The following SHISA6 variants were observed in gnomAD, a reference collection of about 807,000 sequenced individuals.
The protein encoded by SHISA6 is protein shisa-6.
In SHISA6, 22 loss-of-function variants were observed where a neutral mutation model predicts 47.9. The observed-to-expected ratio is 0.46, with a 90% CI of 0.33 to 0.66. SHISA6 has a LOEUF of 0.66. Ranked by LOEUF, SHISA6 falls within the 30% of genes least tolerant of loss-of-function variation. The pLI is 0.02. For missense variants in SHISA6, 680 were observed against 764.6 expected (o/e 0.89, Z 1.30); for synonymous variants, 388 against 337.8 (o/e 1.15, Z -1.63).
chr17:11,308,016 T>C (rs1425814483), intron 2 of SHISA6, among the ~76,000 whole-genome samples: 1 of 152,112 alleles, frequency 6.6e-6, no homozygotes, highest in Non-Finnish European at 1.5e-5. Flanking sequence ...GAGTTTGGTG[T>C]CTGAGCTGTT....
chr17:11,428,079 G>A (rs754550909), intron 3 of SHISA6, among the ~76,000 whole-genome samples: 3 of 152,018 alleles, frequency 2.0e-5, no homozygotes, highest in Non-Finnish European at 2.9e-5. Flanking sequence ...CCAGCCACTG[G>A]GCTACACTCT....
intron 2 of SHISA6, chr17:11,289,641 T>C (rs1043365303): frequency 2.0e-5 from 3 of 151,194 alleles, no homozygotes; most frequent in Non-Finnish European, 4.4e-5. Flanking sequence ...CTATAATTAG[T>C]ACAACTTTTA....
chr17:11,359,780 G>A (rs962414864), intron 2 of SHISA6, among the ~76,000 whole-genome samples: 17 of 152,206 alleles, frequency 1.1e-4, no homozygotes, highest in Admixed American at 1.0e-3. Flanking sequence ...GGAAGTGGGA[G>A]AGGGTCATGT....
intron 3 of SHISA6, among the ~76,000 whole-genome samples, chr17:11,390,409 T>A (rs1338107436): frequency 6.6e-6 from 1 of 152,142 alleles, no homozygotes; most frequent in Non-Finnish European, 1.5e-5. Context: ...TGTTGGAGTT[T>A]AAGAGCGCTG....
intron 2 of SHISA6, among the ~76,000 whole-genome samples, chr17:11,342,907 A>T (rs866006569): frequency 3.0e-4 from 46 of 152,322 alleles, no homozygotes; most frequent in African/African-American, 1.1e-3. Context: ...ATACAGAATC[A>T]GGGACAGTTT....
At chr17:11,256,648 G>A (rs1013739824) in intron 1 of SHISA6, among the ~76,000 whole-genome samples, 1 of 152,042 alleles carries the variant, frequency 6.6e-6, no homozygotes, top group African/African-American at 2.4e-5. Flanking sequence ...GCATTTTTTG[G>A]TTTCCCAGCT....
intron 3 of SHISA6, among the ~76,000 whole-genome samples, chr17:11,429,110 A>G (rs1258016283): frequency 6.6e-6 from 1 of 151,822 alleles, no homozygotes; most frequent in Non-Finnish European, 1.5e-5. Flanking sequence ...TTTCAAATCC[A>G]CTCAGTGTTT....
chr17:11,419,144 C>G (rs1216217693), intron 3 of SHISA6, among the ~76,000 whole-genome samples: 1 of 151,578 alleles, frequency 6.6e-6, no homozygotes, highest in African/African-American at 2.4e-5. Context: ...TGCAGCACAC[C>G]AACGTGGCAC....
chr17:11,525,167 C>T (rs188457535), intron 3 of SHISA6, among the ~76,000 whole-genome samples: 85 of 152,236 alleles, frequency 5.6e-4, no homozygotes, highest in African/African-American at 1.9e-3. Context: ...TTATGTGGCC[C>T]AGGCATCTAC....
At chr17:11,550,285 G>C (rs1268931349) in intron 3 of SHISA6, among the ~76,000 whole-genome samples, 2 of 152,106 alleles carry the variant, frequency 1.3e-5, no homozygotes, top group Non-Finnish European at 2.9e-5. Flanking sequence ...TCAAACTCTT[G>C]ACATGGTGAT....
intron 2 of SHISA6, among the ~76,000 whole-genome samples, chr17:11,310,341 T>G (rs554546280): frequency 6.6e-6 from 1 of 152,296 alleles, no homozygotes; most frequent in East Asian, 1.9e-4. Context: ...CTAAGTCCAT[T>G]GTATAACTTC....
intron 2 of SHISA6, among the ~76,000 whole-genome samples, chr17:11,372,728 A>G (rs205039): frequency 0.43 from 65,062 of 151,830 alleles, 14,366 homozygotes; most frequent in East Asian, 0.6. Flanking sequence ...CTGGGGTATA[A>G]TATGTGTTTT....
intron 3 of SHISA6, among the ~76,000 whole-genome samples, chr17:11,460,298 A>G (rs576237762): frequency 1.3e-5 from 2 of 152,228 alleles, no homozygotes; most frequent in African/African-American, 4.8e-5. Flanking sequence ...GTCTCCCAGA[A>G]GCAGCTTTGT....
At chr17:11,282,401 CT>C (rs35015959) in intron 2 of SHISA6, among the ~76,000 whole-genome samples, 70,838 of 148,350 alleles carry the variant, frequency 0.48, 17,063 homozygotes, top group Non-Finnish European at 0.53. Flanking sequence ...GGTATTTCTT[CT>C]TTTTTTTTTT....
In SHISA6 at chr17:11,295,263, A is replaced by G. The variant is rs147205841; in HGVS notation, c.799+31737A>G. ...TACCATATCAGTCTTCTCTTGGAGTACCATAGTCACAATTGTACCATCCAA... is the reference window on the plus strand; with the variant it reads ...TACCATATCAGTCTTCTCTTGGAGTGCCATAGTCACAATTGTACCATCCAA... On this transcript the variant is annotated intron_variant, in intron 2 of 5. Coordinates refer to ENST00000441885, the MANE Select transcript of SHISA6 (RefSeq NM_207386.4). 7.6e-3 allele frequency among the ~76,000 whole-genome samples: 1,158 copies of G among 152,332 alleles called. 12 individuals are homozygous for G. Among genetic ancestry groups the G allele is most frequent in the African/African-American group, 0.026 (1,092 of 41,580 alleles).
intron 2 of SHISA6, among the ~76,000 whole-genome samples, chr17:11,369,816 G>C (rs549366871): frequency 8.1e-4 from 123 of 152,252 alleles, no homozygotes; most frequent in Middle Eastern, 3.4e-3. Flanking sequence ...CTTTCCAAGG[G>C]GATTACAGCC....
intron 2 of SHISA6, among the ~76,000 whole-genome samples, chr17:11,333,592 G>T (rs948697772): frequency 1.3e-5 from 2 of 152,192 alleles, no homozygotes; most frequent in East Asian, 1.9e-4. Context: ...TTGGCTCACT[G>T]CAATCTCCGC....
Position 11,558,129 on chromosome 17 carries a change from A to G in SHISA6, c.1481A>G (p.Lys494Arg). 1.3e-6 allele frequency: 2 copies of G among 1,551,204 alleles called. No homozygotes were observed. Among genetic ancestry groups the G allele is most frequent in the Non-Finnish European group, 1.7e-6 (2 of 1,146,996 alleles). Residue 494 changes from lysine (K) to arginine (R), a missense_variant, in exon 6 of 6, where the codon AAG (lysine) becomes AGG (arginine). Lys to Arg is a conservative substitution (Grantham distance 26). Around this residue, in one of 2 missense-constraint regions of SHISA6, gnomAD observed 559 missense variants for 674.1 expected, o/e 0.83. Transcript: ENST00000441885. ...GTGCTGGACCGCTACCGCATGAGCA[A>G]GATGCACTCTCATCCCAGTGCCTCC... ...TPVLDRYRMSKMHSHPSASNN... is the reference protein window; with the variant it reads ...TPVLDRYRMSRMHSHPSASNN...
rs528445879 is a variant in SHISA6 at position 11,450,711 on chromosome 17, A to G, written c.895+71202A>G. Among the ~76,000 whole-genome samples, 16 of 152,040 alleles carry G rather than the reference A, an allele frequency of 1.1e-4. No homozygotes were observed. In the East Asian group the frequency reaches 2.9e-3, roughly 28 times the overall value. On this transcript the variant is annotated intron_variant, in intron 3 of 5. Transcript: ENST00000441885. ...ACTCCATCCAAAAGAAAAGAAAAAA[A>G]AATCAGAGTAATCCAAGAGAGAAGG...
Sources: gnomAD v4.1 joint callset for allele counts (sites outside exome capture counted in the v4.1 genomes callset) on GRCh38, gnomAD v4.1.1 for gene constraint, gnomAD v4.1.1 regional missense constraint, MANE v1.5 for transcripts, NCBI Gene and HGNC (gene_info 2026-07-23, HGNC 2026-07-21) for gene names.